The following ADAMTS19 variants were observed in gnomAD, a reference collection of about 807,000 sequenced individuals.
ADAMTS19 encodes the protein A disintegrin and metalloproteinase with thrombospondin motifs 19.
A neutral mutation model predicts 153.3 loss-of-function variants in ADAMTS19; 93 were observed. The observed-to-expected ratio is 0.61, with a 90% CI of 0.51 to 0.72. ADAMTS19 has a LOEUF of 0.72. ADAMTS19 is among the 30% of genes least tolerant of loss of function. ADAMTS19 has a pLI of 0.00. For synonymous variants in ADAMTS19, 600 were observed against 556.6 expected (o/e 1.08, Z -1.10); for missense variants, 1,482 against 1,552.1 (o/e 0.95, Z 0.76).
intron 3 of ADAMTS19, among the ~76,000 whole-genome samples, chr5:129,516,276 CTTT>C (rs61392717): frequency 7.5e-6 from 1 of 134,116 alleles, no homozygotes; most frequent in Admixed American, 7.4e-5. Context: ...TTTTTCTTTT[CTTT>C]TTTTTTTTTG....
chr5:129,528,439 C>T (rs1027267917), intron 5 of ADAMTS19, 81 bp from the exon 6 acceptor site: 3 of 1,147,874 alleles, frequency 2.6e-6, no homozygotes, highest in African/African-American at 3.2e-5. Flanking sequence ...TTCAAGAGTG[C>T]CTTTGTTATT....
intron 2 of ADAMTS19, among the ~76,000 whole-genome samples, chr5:129,495,798 C>T (rs10213764): frequency 5.3e-5 from 8 of 151,872 alleles, no homozygotes; most frequent in Non-Finnish European, 1.0e-4. Flanking sequence ...ATAGTCTTGA[C>T]GTGGCCTGGT....
chr5:129,633,639 A>G (rs1227068759), intron 10 of ADAMTS19, among the ~76,000 whole-genome samples: 2 of 152,134 alleles, frequency 1.3e-5, no homozygotes, highest in African/African-American at 4.8e-5. Context: ...GAGTTTGCTG[A>G]CCCCTGTTGT....
At chr5:129,462,099 G>A (rs779840269) in intron 2 of ADAMTS19, among the ~76,000 whole-genome samples, 1 of 152,206 alleles carries the variant, frequency 6.6e-6, no homozygotes, top group African/African-American at 2.4e-5. Flanking sequence ...TCCACGTGAT[G>A]TCTTTTAGGA....
At chr5:129,505,445 T>C (rs2126718515) in intron 2 of ADAMTS19, among the ~76,000 whole-genome samples, 1 of 152,280 alleles carries the variant, frequency 6.6e-6, no homozygotes, top group Admixed American at 6.5e-5. Context: ...CATAGTTAAC[T>C]TGAATTTGAA....
intron 2 of ADAMTS19, among the ~76,000 whole-genome samples, chr5:129,495,849 T>C (rs999809213): frequency 2.0e-5 from 3 of 152,248 alleles, no homozygotes; most frequent in African/African-American, 7.2e-5. Context: ...GTTTATACCA[T>C]ATTATATCAG....
intron 7 of ADAMTS19, among the ~76,000 whole-genome samples, chr5:129,579,179 T>C (rs1749377371): frequency 6.6e-6 from 1 of 152,230 alleles, no homozygotes; most frequent in Admixed American, 6.5e-5. Flanking sequence ...TATTTGCATT[T>C]CTCTAATGAC....
chr5:129,471,728 C>A (rs1244404903), intron 2 of ADAMTS19, among the ~76,000 whole-genome samples: 2 of 152,094 alleles, frequency 1.3e-5, no homozygotes, highest in African/African-American at 4.8e-5. Context: ...CTAGTAGGCC[C>A]CAGAGTCTGT....
At chr5:129,622,612 A>G (rs1187642368) in intron 10 of ADAMTS19, among the ~76,000 whole-genome samples, 1 of 152,162 alleles carries the variant, frequency 6.6e-6, no homozygotes, top group Non-Finnish European at 1.5e-5. Flanking sequence ...AAGTATTTTT[A>G]TTACGTCAGT....
At chr5:129,591,771 T>G (rs1188740522) in intron 7 of ADAMTS19, among the ~76,000 whole-genome samples, 1 of 152,186 alleles carries the variant, frequency 6.6e-6, no homozygotes, top group Non-Finnish European at 1.5e-5. Flanking sequence ...CAAGAGTGCC[T>G]GGATTTTGAA....
chr5:129,643,533 A>G (rs569024946), intron 11 of ADAMTS19, among the ~76,000 whole-genome samples: 21 of 152,074 alleles, frequency 1.4e-4, no homozygotes, highest in Admixed American at 5.9e-4. Context: ...CCATTTCTGG[A>G]TTGTTTGACA....
Position 129,658,355 on chromosome 5 carries a change from A to G in ADAMTS19, c.2305-262A>G, listed in dbSNP as rs1163128645. ...AAAGAAAGAAAGAAAGAAAGAAAGA[A>G]AGAAAGAAAGAAAGAGAGAGAGGAA... On this transcript the variant is annotated intron_variant, in intron 14 of 22. Transcript: ENST00000274487. Among the ~76,000 whole-genome samples the G allele has an allele frequency of 6.0e-3, 809 of 135,956 alleles. 35 individuals carry two copies. The highest frequency in any genetic ancestry group is 0.023 in the African/African-American group (718 of 31,344). 89.2% of individuals were successfully genotyped at this position (135,956 alleles called of 152,430 possible).
chr5:129,680,747 G>C (rs1447302826), intron 17 of ADAMTS19, among the ~76,000 whole-genome samples: 1 of 147,936 alleles, frequency 6.8e-6, no homozygotes, highest in Non-Finnish European at 1.5e-5. Flanking sequence ...GGGTGACAGA[G>C]GGAGACTCTG....
At chr5:129,726,820 A>G (rs1254631163) in intron 21 of ADAMTS19, among the ~76,000 whole-genome samples, 1 of 151,678 alleles carries the variant, frequency 6.6e-6, no homozygotes, top group African/African-American at 2.4e-5. Flanking sequence ...TATCCCAAAC[A>G]TTTCTCATCC....
chr5:129,604,732 A>T, intron 8 of ADAMTS19, among the ~76,000 whole-genome samples: 1 of 152,160 alleles, frequency 6.6e-6, no homozygotes, highest in African/African-American at 2.4e-5. Flanking sequence ...AGGGTTTAGA[A>T]TTTTTTTTGA....
At chr5:129,486,926 C>T (rs562320141) in intron 2 of ADAMTS19, among the ~76,000 whole-genome samples, 6 of 152,214 alleles carry the variant, frequency 3.9e-5, no homozygotes, top group Middle Eastern at 3.4e-3. Flanking sequence ...GATGCAATGC[C>T]GGTTCATCAG....
chr5:129,577,282 G>T (rs1362988498), intron 7 of ADAMTS19, among the ~76,000 whole-genome samples: 4 of 152,058 alleles, frequency 2.6e-5, no homozygotes, highest in African/African-American at 9.7e-5. Flanking sequence ...TATTTTTCAG[G>T]TTCCCACAAA....
intron 7 of ADAMTS19, among the ~76,000 whole-genome samples, chr5:129,585,900 C>T (rs78807288): frequency 0.045 from 6,910 of 152,112 alleles, 492 homozygotes; most frequent in African/African-American, 0.16. Flanking sequence ...CTCCTGGGCA[C>T]TTTTAAGATT....
chr5:129,658,299 GAAAGAAAGAA>G lies in ADAMTS19; in HGVS notation c.2305-306_2305-297del, dbSNP rs1561632018. Among the ~76,000 whole-genome samples, 101 of 118,210 alleles carry G rather than the reference GAAAGAAAGAA, an allele frequency of 8.5e-4. 4 individuals are homozygous for G. The highest frequency in any genetic ancestry group is 3.4e-3 in the African/African-American group (93 of 27,060). 77.6% of individuals were successfully genotyped at this position (118,210 alleles called of 152,430 possible). ...AGACCCCATCTGAAAGAAAAAGAAA[GAAAGAAAGAA>G]AAAGAAAGAAAGAAAGAAAGAAAGA... On this transcript the variant is annotated intron_variant, in intron 14 of 22. Transcript: ENST00000274487.
Sources: allele counts gnomAD v4.1 joint callset (sites outside exome capture counted in the v4.1 genomes callset), GRCh38; gene constraint gnomAD v4.1.1; transcripts MANE v1.5; gene names NCBI Gene and HGNC (gene_info 2026-07-23, HGNC 2026-07-21).